Variants in MYO18B observed in about 807,000 individuals in gnomAD.
MYO18B encodes myosin XVIIIB.
In MYO18B, 204 loss-of-function variants were observed where a neutral mutation model predicts 273.0. That is an observed-to-expected ratio of 0.75 (90% CI 0.67 to 0.84). MYO18B has a LOEUF of 0.84. Ranked by LOEUF, MYO18B falls within the 40% of genes least tolerant of loss-of-function variation. MYO18B has a pLI of 0.00. For synonymous variants in MYO18B, 1,330 were observed against 1,305.7 expected, an observed-to-expected ratio of 1.02 and a Z score of -0.40; for missense variants, 3,212 against 3,287.6, an observed-to-expected ratio of 0.98 and a Z score of 0.56.
In MYO18B at chr22:25,843,895, G is replaced by T; in HGVS notation, c.3368+1G>T. ...CCCAGGTCCTGCACCAGTCAAAAAG[G>T]TGAGTTGGGTCAGGGTTGGGGACGG... On this transcript the variant is annotated splice_donor_variant, in intron 18 of 43. Coordinates refer to ENST00000335473, the MANE Select transcript of MYO18B (RefSeq NM_032608.7). LOFTEE classifies it high-confidence loss of function. 2.5e-6 allele frequency: 4 copies of T among 1,599,688 alleles called. No homozygotes were observed. Among genetic ancestry groups the T allele is most frequent in the Non-Finnish European group, 3.4e-6 (4 of 1,168,316 alleles).
chr22:25,913,064 G>A (rs906000186), intron 33 of MYO18B, among the ~76,000 whole-genome samples: 4 of 152,164 alleles, frequency 2.6e-5, no homozygotes, highest in Non-Finnish European at 5.9e-5. Flanking sequence ...TCTCGTATCT[G>A]CCTCACTGTG....
At chr22:25,879,024 T>C (rs1459501050) in intron 25 of MYO18B, among the ~76,000 whole-genome samples, 1 of 152,244 alleles carries the variant, frequency 6.6e-6, no homozygotes, top group Non-Finnish European at 1.5e-5. Flanking sequence ...TGAATATGTT[T>C]TGTGATATTA....
At chr22:26,023,386 A>T (rs900765749) in intron 42 of MYO18B, among the ~76,000 whole-genome samples, 2 of 152,104 alleles carry the variant, frequency 1.3e-5, no homozygotes, top group African/African-American at 4.8e-5. Context: ...TCAGCAAGAC[A>T]CTGTCAGTTC....
intron 42 of MYO18B, among the ~76,000 whole-genome samples, chr22:26,023,068 T>A (rs951586278): frequency 1.3e-5 from 2 of 152,236 alleles, no homozygotes; most frequent in Non-Finnish European, 2.9e-5. Context: ...CTGAAAGGCC[T>A]CTGTTTCCCC....
At chr22:25,833,482 G>C (rs1427139260) in intron 16 of MYO18B, among the ~76,000 whole-genome samples, 1 of 152,090 alleles carries the variant, frequency 6.6e-6, no homozygotes, top group East Asian at 1.9e-4. Context: ...GGGAAACTGA[G>C]TCTTTACCTC....
chr22:25,960,550 A>G (rs745830176), intron 39 of MYO18B, among the ~76,000 whole-genome samples: 2 of 152,180 alleles, frequency 1.3e-5, no homozygotes, highest in African/African-American at 4.8e-5. Flanking sequence ...AAAAACTTGC[A>G]TGGTGCTTCT....
Position 25,876,003 on chromosome 22 carries a change from C to CGTGTGTGTGT in MYO18B, c.4081-153_4081-144dup, listed in dbSNP as rs4049349. ...CAAAAAGACTACAAGAAAGGAAGCCCGTGTGTGTGTGTGTGTGTGTGTGTG... is the reference window on the plus strand; with the variant it reads ...CAAAAAGACTACAAGAAAGGAAGCCCGTGTGTGTGTGTGTGTGTGTGTGTGTGTGTGTGTG... On this transcript the variant is annotated intron_variant, in intron 23 of 43. Coordinates refer to ENST00000335473, the MANE Select transcript of MYO18B (RefSeq NM_032608.7). 5.7e-3 allele frequency among the ~76,000 whole-genome samples: 803 copies of CGTGTGTGTGT among 140,002 alleles called. 12 individuals are homozygous for CGTGTGTGTGT. Among genetic ancestry groups the CGTGTGTGTGT allele is most frequent in the African/African-American group, 0.018 (680 of 37,336 alleles). 91.8% of individuals were successfully genotyped at this position (140,002 alleles called of 152,430 possible). A position where few individuals can be genotyped will look rare whatever the true frequency, so the allele number is the denominator to read the frequency against.
At chr22:25,925,902 CA>C (rs34754921) in intron 34 of MYO18B, among the ~76,000 whole-genome samples, 11,689 of 65,598 alleles carry the variant, frequency 0.18, 656 homozygotes, top group African/African-American at 0.31. Flanking sequence ...AAGACTCTGT[CA>C]AAAAAAAAAA....
At position 25,808,029 on chromosome 22, in the gene MYO18B, C is replaced by A. The variant is rs377019867; in HGVS notation, c.2521+9932C>A. Reference sequence around the variant, plus strand: ...CAAAGTTTCCATAGCCAATGCATCCCGGTCCCTACTGTGGTGGGGATGGAA... The same window carrying A: ...CAAAGTTTCCATAGCCAATGCATCCAGGTCCCTACTGTGGTGGGGATGGAA... On this transcript the variant is annotated intron_variant, in intron 12 of 43. Transcript: ENST00000335473. Among the ~76,000 whole-genome samples the A allele has an allele frequency of 1.2e-4, 19 of 152,022 alleles. No homozygotes were observed. The East Asian group carries it at 3.3e-3, about 26-fold the overall frequency.
chr22:26,026,883 G>A lies in MYO18B; in HGVS notation c.6909G>A (p.Leu2303=), dbSNP rs1399366877. ...GCAGTGACGAGGGAAACCTCTCGCT[G>A]AGGGTTGGGGCAAAGTCACCCCTGG... ...RAGSDEGNLS[L]RVGAKSPLEI... Residue 2303 remains leucine (L), a synonymous_variant, in exon 43 of 44, where the codon CTG becomes CTA. Transcript: ENST00000335473. The A allele has an allele frequency of 1.0e-5, 16 of 1,601,096 alleles. No homozygotes were observed. Among genetic ancestry groups the A allele is most frequent in the Admixed American group, 1.7e-5 (1 of 58,710 alleles).
rs754871127 is a variant in MYO18B at position 25,768,254 on chromosome 22, G to A, written c.338G>A (p.Arg113His). Reference sequence around the variant, plus strand: ...CTGGGCAAGGAGAGCGAGGGGTCCCGCAGCCCCGACCCTGAGCAGATGACA... The same window carrying A: ...CTGGGCAAGGAGAGCGAGGGGTCCCACAGCCCCGACCCTGAGCAGATGACA... Reference protein sequence around the residue: ...DILGKESEGSRSPDPEQMTSI... With the variant: ...DILGKESEGSHSPDPEQMTSI... The change falls in exon 4 of 44, where the codon CGC becomes CAC. Residue 113 changes from arginine to histidine, a missense_variant. Arg to His is a conservative substitution (Grantham distance 29). Transcript: ENST00000335473. 6.8e-6 allele frequency: 11 copies of A among 1,613,856 alleles called. No homozygotes were observed. The highest frequency in any genetic ancestry group is 2.7e-5 in the African/African-American group (2 of 74,896).
In MYO18B at chr22:25,917,461, G is replaced by A. The variant is rs1007997852; in HGVS notation, c.5365-3796G>A. On this transcript the variant is annotated intron_variant, in intron 33 of 43. Transcript: ENST00000335473. ...GGTGTCTTTCTTTCTCCATGAATAAGTTTTGCCTTATTTTATTTCGCTTGA... is the reference window on the plus strand; with the variant it reads ...GGTGTCTTTCTTTCTCCATGAATAAATTTTGCCTTATTTTATTTCGCTTGA... 2.6e-5 allele frequency among the ~76,000 whole-genome samples: 4 copies of A among 151,564 alleles called. No individual in the cohort carries two copies. In the East Asian group the frequency reaches 7.7e-4, roughly 29 times the overall value.
chr22:25,843,875 G>A lies in MYO18B; in HGVS notation c.3349G>A (p.Val1117Ile). 6.2e-7 allele frequency: 1 copy of A among 1,608,644 alleles called. No individual in the cohort carries two copies. Among genetic ancestry groups the A allele is most frequent in the South Asian group, 1.1e-5 (1 of 90,944 alleles). The change falls in exon 18 of 44, where the codon GTC becomes ATC. Residue 1117 changes from valine to isoleucine, a missense_variant. By Grantham distance (29) the Val-to-Ile change is conservative. Transcript: ENST00000335473. The stretch of plus-strand genomic sequence containing the variant: ...CCTCTCGGCCCTGGATGCACCCCAG[G>A]TCCTGCACCAGTCAAAAAGGTGAGT... ...PNLSALDAPQVLHQSKREELR... is the reference protein window; with the variant it reads ...PNLSALDAPQILHQSKREELR...
At chr22:25,858,449 C>G (rs1236733602) in intron 21 of MYO18B, among the ~76,000 whole-genome samples, 1 of 152,170 alleles carries the variant, frequency 6.6e-6, no homozygotes, top group African/African-American at 2.4e-5. Flanking sequence ...TCAAACTGTT[C>G]ATTGAGGAGT....
rs763836112 is a variant in MYO18B, at chr22:25,955,260, C to A, written c.6052C>A (p.Arg2018=). The change falls in exon 39 of 44, where the codon CGG becomes AGG. Residue 2018 remains arginine (R), a synonymous_variant. Coordinates refer to ENST00000335473, the MANE Select transcript of MYO18B (RefSeq NM_032608.7). ...SQAATSESQQ[R]ESSQYYQRRL... ...GGCGGCCACCTCCGAGTCCCAGCAG[C>A]GGGAGAGCAGCCAGTACTACCAGCG... is the stretch of plus-strand genomic sequence containing the variant. 6.2e-7 allele frequency: 1 copy of A among 1,613,668 alleles called. No individual in the cohort carries two copies. The highest frequency in any genetic ancestry group is 8.5e-7 in the Non-Finnish European group (1 of 1,179,822).
At chr22:26,014,785 T>G (rs1404885536) in intron 42 of MYO18B, among the ~76,000 whole-genome samples, 9 of 152,262 alleles carry the variant, frequency 5.9e-5, no homozygotes, top group Non-Finnish European at 1.2e-4. Context: ...CTCATTGTGG[T>G]TTTGCTTTGC....
chr22:25,874,327 G>A lies in MYO18B; in HGVS notation c.3993G>A (p.Gln1331=). The change falls in exon 23 of 44, where the codon CAG becomes CAA. Residue 1331 remains glutamine (Q), a synonymous_variant. Coordinates refer to ENST00000335473, the MANE Select transcript of MYO18B (RefSeq NM_032608.7). ...KAGVISRLEK[Q]REKLVSQSIV... is the part of the protein sequence containing the mutation. ...GTGTGATCTCCAGGCTTGAGAAGCA[G>A]CGAGAGAAGCTGGTATCTCAGAGCA... The A allele has an allele frequency of 6.2e-7, 1 of 1,613,970 alleles. No homozygotes were observed. The highest frequency in any genetic ancestry group is 8.5e-7 in the Non-Finnish European group (1 of 1,179,882).
Position 25,874,223 on chromosome 22 carries a change from A to ACCCC in MYO18B, c.3952-59_3952-56dup, listed in dbSNP as rs781354352. On this transcript the variant is annotated intron_variant, in intron 22 of 43. Coordinates refer to ENST00000335473, the MANE Select transcript of MYO18B (RefSeq NM_032608.7). ...GAGAAGTGGGGTCTGATTTGCAAGC[A>ACCCC]CCCCCCCATTGTAGACAGCCTTCTT... 1,902 of 1,590,974 alleles carry ACCCC rather than the reference A, an allele frequency of 1.2e-3. 14 individuals are homozygous for ACCCC. The African/African-American group carries it at 0.021, about 18-fold the overall frequency.
At chr22:26,007,912 AAG>A (rs1934565437) in intron 42 of MYO18B, among the ~76,000 whole-genome samples, 1 of 152,188 alleles carries the variant, frequency 6.6e-6, no homozygotes, top group Non-Finnish European at 1.5e-5. Flanking sequence ...TCCTTCTCAG[AAG>A]GATCCATCAT....
Sources: gnomAD v4.1 joint callset for allele counts (sites outside exome capture counted in the v4.1 genomes callset) on GRCh38, gnomAD v4.1.1 for gene constraint, MANE v1.5 for transcripts, NCBI Gene and HGNC (gene_info 2026-07-23, HGNC 2026-07-21) for gene names.